ORC4: variants seen among roughly 807,000 people sequenced by gnomAD.
ORC4 encodes the protein origin recognition complex, subunit 4 homolog.
ORC4 carries 55 observed loss-of-function variants against 63.9 expected under a neutral mutation model. The observed-to-expected ratio is 0.86, with a 90% CI of 0.69 to 1.08. The LOEUF (loss-of-function observed/expected upper bound fraction) is 1.08. Ranked by LOEUF, ORC4 falls within the 50% of genes least tolerant of loss-of-function variation. ORC4 has a pLI of 0.00. For missense variants in ORC4, 511 were observed against 504.4 expected (o/e 1.01, Z -0.13); for synonymous variants, 150 against 168.5 (o/e 0.89, Z 0.85).
chr2:147,972,821 CT>C lies in ORC4; in HGVS notation c.142del (p.Ser48ValfsTer4). 6.2e-7 allele frequency: 1 copy of C among 1,602,794 alleles called. No individual in the cohort carries two copies. The highest frequency in any genetic ancestry group is 8.5e-7 in the Non-Finnish European group (1 of 1,170,100). On this transcript the variant is annotated frameshift_variant, in exon 4 of 14. Transcript: ENST00000392857. LOFTEE classifies it high-confidence loss of function. Reference protein sequence around the residue: ...FGVQVQYKHLSELLKRTALHG... With the variant: ...FGVQVQYKHLXELLKRTALHG... ...GAGAGCAGTTCTTTTCAGCAGCTCA[CT>C]TAAGTGTCTAAAATGATATAAATAG... is the stretch of plus-strand genomic sequence containing the variant.
chr2:148,019,282 T>G (rs555906468), intron 1 of ORC4, among the ~76,000 whole-genome samples: 119 of 152,276 alleles, frequency 7.8e-4, no homozygotes, highest in Non-Finnish European at 1.2e-3. Flanking sequence ...CTTTAACTGA[T>G]AGTGTACACC....
At chr2:147,973,764 G>C (rs1416463691) in intron 2 of ORC4, among the ~76,000 whole-genome samples, 1 of 152,134 alleles carries the variant, frequency 6.6e-6, no homozygotes, top group Non-Finnish European at 1.5e-5. Context: ...TTCAACAAGA[G>C]GGAGAATCAC....
intron 1 of ORC4, among the ~76,000 whole-genome samples, chr2:147,993,018 C>G (rs185260730): frequency 6.6e-6 from 1 of 152,150 alleles, no homozygotes; most frequent in African/African-American, 2.4e-5. Context: ...GTTCCATACC[C>G]GGAAGGAAAG....
At chr2:147,941,502 A>C (rs917187792) in intron 10 of ORC4, among the ~76,000 whole-genome samples, 5 of 152,044 alleles carry the variant, frequency 3.3e-5, no homozygotes, top group Admixed American at 1.3e-4. Context: ...AAGAAAAAAA[A>C]AGTTTAATTG....
At chr2:147,984,075 G>A (rs1452720768) in intron 1 of ORC4, among the ~76,000 whole-genome samples, 1 of 152,158 alleles carries the variant, frequency 6.6e-6, no homozygotes, top group Non-Finnish European at 1.5e-5. Flanking sequence ...CAAAGCAAAT[G>A]GTTGAGGAAG....
intron 1 of ORC4, among the ~76,000 whole-genome samples, chr2:148,005,656 C>CAAAAAAAAAAA (rs55869341): frequency 1.9e-5 from 1 of 51,490 alleles, no homozygotes; most frequent in South Asian, 1.1e-3. Context: ...ACTATCCATG[C>CAAAAAAAAAAA]AAAAAAAAAA....
At chr2:147,974,866 G>A (rs17225332) in intron 2 of ORC4, among the ~76,000 whole-genome samples, 4,004 of 149,868 alleles carry the variant, frequency 0.027, 122 homozygotes, top group African/African-American at 0.058. Flanking sequence ...GGCAGTAACG[G>A]GGTATAAAAT....
At chr2:147,953,543 G>A (rs1689080210) in intron 7 of ORC4, among the ~76,000 whole-genome samples, 1 of 152,158 alleles carries the variant, frequency 6.6e-6, no homozygotes, top group South Asian at 2.1e-4. Flanking sequence ...TTAAAAGAGA[G>A]TTGTTTATTT....
intron 4 of ORC4, among the ~76,000 whole-genome samples, chr2:147,969,394 C>T (rs1232870907): frequency 6.6e-6 from 1 of 151,796 alleles, no homozygotes; most frequent in Non-Finnish European, 1.5e-5. Flanking sequence ...CTATATATCC[C>T]ATGAAAGTGT....
chr2:148,014,649 A>G (rs1180348992), intron 1 of ORC4, among the ~76,000 whole-genome samples: 2 of 152,214 alleles, frequency 1.3e-5, no homozygotes. Flanking sequence ...GATTCACTCA[A>G]CCAAGGATTA....
intron 4 of ORC4, among the ~76,000 whole-genome samples, chr2:147,960,642 T>C (rs1310805171): frequency 1.3e-5 from 2 of 152,214 alleles, no homozygotes; most frequent in East Asian, 1.9e-4. Context: ...AATATTATAA[T>C]AAACACAGGT....
At chr2:148,005,568 C>G (rs950228658) in intron 1 of ORC4, among the ~76,000 whole-genome samples, 1 of 143,384 alleles carries the variant, frequency 7.0e-6, no homozygotes, top group African/African-American at 2.6e-5. Flanking sequence ...ATTGTTTTTC[C>G]TTGCAGAGGA....
chr2:148,000,006 C>T (rs1467874268), intron 1 of ORC4, among the ~76,000 whole-genome samples: 2 of 148,610 alleles, frequency 1.3e-5, no homozygotes, highest in Non-Finnish European at 3.0e-5. Context: ...AGTATGATAG[C>T]AGAAATCAAA....
At position 147,972,739 on chromosome 2, in the gene ORC4, CAT is replaced by C; in HGVS notation, c.223_224del (p.Met75ValfsTer17). ...AACACCAGAAATCAACAGCTTTTAC[CAT>C]AGTTTTTCCTGATCCTCGGGGTCCG... The part of the protein sequence containing the change: ...IIGPRGSGKT[M>X]LINHALKELM... On this transcript the variant is annotated frameshift_variant and splice_region_variant, in exon 4 of 14. Transcript: ENST00000392857. LOFTEE classifies it high-confidence loss of function. 1 of 1,597,122 alleles carries C rather than the reference CAT, an allele frequency of 6.3e-7. No homozygotes were observed. Among genetic ancestry groups the C allele is most frequent in the Non-Finnish European group, 8.6e-7 (1 of 1,166,300 alleles).
upstream of ORC4, chr2:148,021,003 C>T (rs1307692777): frequency 1.3e-5 from 2 of 152,732 alleles, no homozygotes; most frequent in African/African-American, 2.4e-5. Flanking sequence ...CCCCCTCCTC[C>T]TGCCTTCAAC....
At chr2:148,001,811 T>C (rs1692327563) in intron 1 of ORC4, among the ~76,000 whole-genome samples, 1 of 152,114 alleles carries the variant, frequency 6.6e-6, no homozygotes, top group Non-Finnish European at 1.5e-5. Context: ...AGACACAGAC[T>C]GGCAAATTGG....
At chr2:148,007,906 G>A (rs1354329849) in intron 1 of ORC4, among the ~76,000 whole-genome samples, 1 of 152,184 alleles carries the variant, frequency 6.6e-6, no homozygotes, top group Non-Finnish European at 1.5e-5. Flanking sequence ...GGCCAGAAGA[G>A]AGTAGGATGA....
intron 6 of ORC4, 136 bp from the exon 7 acceptor site, chr2:147,955,531 T>C: frequency 1.5e-6 from 1 of 659,282 alleles, no homozygotes; most frequent in Non-Finnish European, 2.7e-6. Context: ...CTCTGCTGAG[T>C]GTCTCTATAC....
chr2:147,997,712 T>C (rs1306606487), intron 1 of ORC4, among the ~76,000 whole-genome samples: 2 of 152,196 alleles, frequency 1.3e-5, no homozygotes, highest in African/African-American at 4.8e-5. Context: ...TGGAATTATT[T>C]CTGGGTGCAA....
Sources: allele counts gnomAD v4.1 joint callset (sites outside exome capture counted in the v4.1 genomes callset), GRCh38; gene constraint gnomAD v4.1.1; transcripts MANE v1.5; gene names NCBI Gene and HGNC (gene_info 2026-07-23, HGNC 2026-07-21).